Variants in RPS10 observed in about 807,000 individuals in gnomAD.
RPS10 encodes ribosomal protein S10, also known as small ribosomal subunit protein eS10.
In RPS10, 2 loss-of-function variants were observed where a neutral mutation model predicts 22.6. The ratio of observed to expected loss-of-function variants is 0.09; its 90% CI spans 0.04 to 0.28. The LOEUF (loss-of-function observed/expected upper bound fraction) is 0.28, where lower values mean the gene tolerates loss of function less well. Among genes scored for constraint, RPS10 ranks in the 10% least tolerant of loss-of-function variants. The pLI is 1.00. For synonymous variants in RPS10, 70 were observed against 75.9 expected (o/e 0.92, Z 0.40); for missense variants, 137 against 222.2 (o/e 0.62, Z 2.44).
chr6:34,422,155 AC>A (rs1164396240), intron 3 of RPS10, among the ~76,000 whole-genome samples: 2 of 152,144 alleles, frequency 1.3e-5, no homozygotes, highest in Non-Finnish European at 2.9e-5. Context: ...TAAGTGGAAA[AC>A]TTAGTATATG....
At chr6:34,422,560 C>A (rs1765803352) in intron 3 of RPS10, among the ~76,000 whole-genome samples, 1 of 152,042 alleles carries the variant, frequency 6.6e-6, no homozygotes, top group Non-Finnish European at 1.5e-5. Context: ...AGTGACCCTC[C>A]CGCCTTGGCC....
intron 3 of RPS10, 63 bp from the exon 4 acceptor site, chr6:34,421,870 AG>A (rs1765781168): frequency 6.3e-7 from 1 of 1,591,668 alleles, no homozygotes; most frequent in Admixed American, 1.7e-5. Context: ...CTTAAAGCCA[AG>A]AAAACTGGCA....
In RPS10 at chr6:34,426,042, G is replaced by T. The variant is rs1290660020; in HGVS notation, c.-11C>A. The stretch of plus-strand genomic sequence containing the variant: ...GCCACAGAAACTCACCTCTGCGGCT[G>T]CAGGGTCCGGTACCGGGGCTGGAAA... On this transcript the variant is annotated 5_prime_UTR_variant, in exon 1 of 6. Transcript: ENST00000648437. 1 of 152,426 alleles carries T rather than the reference G, an allele frequency of 6.6e-6. No individual in the cohort carries two copies. Among genetic ancestry groups the T allele is most frequent in the Non-Finnish European group, 1.5e-5 (1 of 68,132 alleles). 9.4% of individuals were successfully genotyped at this position (152,426 alleles called of 1,614,324 possible).
At chr6:34,422,031 A>T (rs1430480627) in intron 3 of RPS10, among the ~76,000 whole-genome samples, 1 of 152,074 alleles carries the variant, frequency 6.6e-6, no homozygotes, top group African/African-American at 2.4e-5. Context: ...AAAAAAAAAA[A>T]AAGGCTTCCA....
chr6:34,422,194 G>C (rs1182257498), intron 3 of RPS10, among the ~76,000 whole-genome samples: 1 of 152,174 alleles, frequency 6.6e-6, no homozygotes, highest in Admixed American at 6.5e-5. Flanking sequence ...ATCCTAAGCT[G>C]AAAGTCCCAA....
Position 34,425,011 on chromosome 6 carries a change from C to G in RPS10, c.150+61G>C, listed in dbSNP as rs1043519205. The G allele has an allele frequency of 9.3e-6, 15 of 1,611,266 alleles. No homozygotes were observed. In the Admixed American group the frequency reaches 2.5e-4, roughly 27 times the overall value. The stretch of plus-strand genomic sequence containing the variant: ...GAAGATCCCTCCATCCCATTCCATC[C>G]CATCCCGGGATGGGATCCCGGGGAG... On this transcript the variant is annotated intron_variant, in intron 2 of 5. Coordinates refer to ENST00000648437, the MANE Select transcript of RPS10 (RefSeq NM_001014.5).
At chr6:34,421,951 AC>A (rs1188880944) in intron 3 of RPS10, 144 bp from the exon 4 acceptor site, 1 of 745,788 alleles carries the variant, frequency 1.3e-6, no homozygotes, top group East Asian at 2.6e-5. Flanking sequence ...AACTCCTTAA[AC>A]CTACAATGTC....
intron 3 of RPS10, among the ~76,000 whole-genome samples, chr6:34,422,711 G>T (rs996124484): frequency 1.9e-4 from 29 of 151,296 alleles, no homozygotes; most frequent in Non-Finnish European, 4.1e-4. Flanking sequence ...CTCCCGCCTT[G>T]GCCTCCCAAA....
In RPS10 at chr6:34,418,498, G is replaced by A; in HGVS notation, c.401-74C>T. 4 of 1,607,656 alleles carry A rather than the reference G, an allele frequency of 2.5e-6. No homozygotes were observed. The East Asian group carries it at 6.7e-5, about 27-fold the overall frequency. ...ATAGAACAAGGGAAGACAACTCACTGACTCCAATCTTGCAGGAAAAGCCAA... is the reference window on the plus strand; with the variant it reads ...ATAGAACAAGGGAAGACAACTCACTAACTCCAATCTTGCAGGAAAAGCCAA... On this transcript the variant is annotated intron_variant, in intron 4 of 5. Coordinates refer to ENST00000648437, the MANE Select transcript of RPS10 (RefSeq NM_001014.5).
At chr6:34,418,323 C>G (rs1765645992) in intron 5 of RPS10, 46 bp downstream of exon 5, 1 of 1,613,642 alleles carries the variant, frequency 6.2e-7, no homozygotes, top group African/African-American at 1.3e-5. Flanking sequence ...CAGACTGAGG[C>G]CAGAACAAGT....
In RPS10 at chr6:34,418,626, A is replaced by T. The variant is rs73744897; in HGVS notation, c.401-202T>A. ...CACCCTTCTCAGCCTTCCTTATGTC[A>T]CCCTTCAATACTCACAGCCCAAACT... On this transcript the variant is annotated intron_variant, in intron 4 of 5. Coordinates refer to ENST00000648437, the MANE Select transcript of RPS10 (RefSeq NM_001014.5). Among the ~76,000 whole-genome samples, 2,500 of 152,088 alleles carry T rather than the reference A, an allele frequency of 0.016. 71 individuals carry two copies. The highest frequency in any genetic ancestry group is 0.058 in the African/African-American group (2,387 of 41,468).
At chr6:34,425,012 C>T in intron 2 of RPS10, 60 bp downstream of exon 2, 1 of 1,611,454 alleles carries the variant, frequency 6.2e-7, no homozygotes, top group Non-Finnish European at 8.5e-7. Flanking sequence ...CATTCCATCC[C>T]ATCCCGGGAT....
At chr6:34,424,464 G>C (rs897600664) in intron 3 of RPS10, 11 of 607,996 alleles carry the variant, frequency 1.8e-5, no homozygotes, top group Non-Finnish European at 2.6e-5. Context: ...CAGACTATCT[G>C]TGCTTAAGGC....
chr6:34,425,297 A>T, intron 1 of RPS10, 76 bp from the exon 2 acceptor site: 1 of 1,530,360 alleles, frequency 6.5e-7, no homozygotes, highest in Non-Finnish European at 8.8e-7. Flanking sequence ...TCTTGATCCT[A>T]AAGTGACCCA....
At chr6:34,418,853 G>A (rs144400533) in intron 4 of RPS10, among the ~76,000 whole-genome samples, 4 of 152,180 alleles carry the variant, frequency 2.6e-5, no homozygotes, top group Middle Eastern at 3.4e-3. Flanking sequence ...AGTTCAAATG[G>A]AGACGTGTGC....
At chr6:34,423,692 TG>T (rs1270011420) in intron 3 of RPS10, among the ~76,000 whole-genome samples, 1 of 152,150 alleles carries the variant, frequency 6.6e-6, no homozygotes, top group Non-Finnish European at 1.5e-5. Context: ...GAGCCCAGCC[TG>T]GCCAACAGAG....
chr6:34,423,670 G>A (rs933421626), intron 3 of RPS10, among the ~76,000 whole-genome samples: 2 of 152,126 alleles, frequency 1.3e-5, no homozygotes, highest in African/African-American at 4.8e-5. Context: ...GATCACCTGA[G>A]GTCAGGAGTT....
At chr6:34,420,045 A>G (rs1276754916) in intron 4 of RPS10, among the ~76,000 whole-genome samples, 1 of 151,982 alleles carries the variant, frequency 6.6e-6, no homozygotes, top group Non-Finnish European at 1.5e-5. Flanking sequence ...ACCATTCCCA[A>G]CTCACTTTTA....
rs868202057 is a variant in RPS10, at chr6:34,424,942, C to G, written c.151-102G>C. 43 of 1,606,548 alleles carry G rather than the reference C, an allele frequency of 2.7e-5. No individual in the cohort carries two copies. In the South Asian group the frequency reaches 4.4e-4, roughly 17 times the overall value. ...GCCCTTCAAGTTAGCAAGCAGCCCC[C>G]GCAGTCCTGACCTCCCTTTTTGAAC... On this transcript the variant is annotated intron_variant, in intron 2 of 5. Coordinates refer to ENST00000648437, the MANE Select transcript of RPS10 (RefSeq NM_001014.5).
Sources: allele counts gnomAD v4.1 joint callset (sites outside exome capture counted in the v4.1 genomes callset), GRCh38; gene constraint gnomAD v4.1.1; transcripts MANE v1.5; gene names NCBI Gene and HGNC (gene_info 2026-07-23, HGNC 2026-07-21).